The following EXD3 variants were observed in gnomAD, a reference collection of about 807,000 sequenced individuals.
EXD3 encodes exonuclease mut-7 homolog.
Under a neutral mutation model 98.0 loss-of-function variants are expected in EXD3, and 92 were observed. The observed-to-expected ratio is 0.94, with a 90% CI of 0.79 to 1.12. The LOEUF is 1.12. Among genes scored for constraint, EXD3 ranks in the 50% most tolerant of loss-of-function variants. The pLI, the probability that EXD3 is intolerant of heterozygous loss-of-function variation, is 0.00. For synonymous variants in EXD3, 569 were observed against 526.0 expected (o/e 1.08, Z -1.12); for missense variants, 1,222 against 1,191.6 (o/e 1.03, Z -0.38).
Position 137,372,478 on chromosome 9 carries a change from G to A in EXD3, c.462+427C>T, listed in dbSNP as rs566031242. ...GTGCCGGGGACTCAGTCAGTGCCCA[G>A]TGCCCAGGAGGCAAACTCACCCACA... On this transcript the variant is annotated intron_variant, in intron 5 of 21. Transcript: ENST00000340951. Among the ~76,000 whole-genome samples, 572 of 152,352 alleles carry A rather than the reference G, an allele frequency of 3.8e-3. 4 individuals carry two copies. Among genetic ancestry groups the A allele is most frequent in the Non-Finnish European group, 5.7e-3 (390 of 68,022 alleles).
chr9:137,355,471 A>T (rs1182517045), intron 8 of EXD3, among the ~76,000 whole-genome samples: 13 of 110,374 alleles, frequency 1.2e-4, no homozygotes, highest in East Asian at 1.0e-3. Context: ...GAAAGGAGGA[A>T]GGAGGAAGGA....
chr9:137,310,555 C>T (rs1272302080), intron 19 of EXD3, among the ~76,000 whole-genome samples: 1 of 152,210 alleles, frequency 6.6e-6, no homozygotes, highest in Non-Finnish European at 1.5e-5. Flanking sequence ...TATGACCAAC[C>T]TGCCAGGCTT....
rs1834031783 is a variant in EXD3 at position 137,348,130 on chromosome 9, A to T, written c.1939T>A (p.Cys647Ser). ...MLQGLARSLR[C>S]LGVDARMLGN... is the part of the protein sequence containing the mutation. ...AGCATGCGTGCATCCACACCGAGAC[A>T]GCGGAGGCTCCGTGCCAGCCCCTGC... Residue 647 changes from cysteine to serine, a missense_variant, in exon 17 of 22, where the codon TGT (cysteine) becomes AGT (serine). Coordinates refer to ENST00000340951, the MANE Select transcript of EXD3 (RefSeq NM_017820.5). 1.2e-6 allele frequency: 2 copies of T among 1,612,096 alleles called. No individual in the cohort carries two copies. The highest frequency in any genetic ancestry group is 8.5e-7 in the Non-Finnish European group (1 of 1,179,666).
intron 4 of EXD3, among the ~76,000 whole-genome samples, 170 bp from the exon 5 acceptor site, chr9:137,373,242 G>T (rs374483477): frequency 1.4e-4 from 21 of 152,336 alleles, no homozygotes; most frequent in African/African-American, 5.0e-4. Flanking sequence ...GTCTCAGCAC[G>T]TGACTGTCAG....
chr9:137,390,471 T>C (rs920522844), intron 2 of EXD3, among the ~76,000 whole-genome samples: 2 of 149,454 alleles, frequency 1.3e-5, no homozygotes, highest in Non-Finnish European at 3.0e-5. Flanking sequence ...ATTACACAAA[T>C]AAATAAAAAC....
chr9:137,377,762 C>G (rs1588384923), intron 3 of EXD3, among the ~76,000 whole-genome samples: 1 of 148,546 alleles, frequency 6.7e-6, no homozygotes, highest in Non-Finnish European at 1.5e-5. Flanking sequence ...CCTAAGAGAA[C>G]TTTGAAAACA....
At position 137,351,061 on chromosome 9, in the gene EXD3, C is replaced by G; in HGVS notation, c.1471G>C (p.Asp491His). Residue 491 changes from aspartate to histidine, a missense_variant, in exon 14 of 22, where the codon GAC becomes CAC. Transcript: ENST00000340951. Reference sequence around the variant, plus strand: ...ACCTGTCTGTGCACCAGCAGCAGGTCCATGCCGCCCAGAATCTGCTTCTCC... The same window carrying G: ...ACCTGTCTGTGCACCAGCAGCAGGTGCATGCCGCCCAGAATCTGCTTCTCC... ...HVEKQILGGMDLLLVHRQMRV... is the reference protein window; with the variant it reads ...HVEKQILGGMHLLLVHRQMRV... The G allele has an allele frequency of 6.4e-7, 1 of 1,569,990 alleles. No homozygotes were observed. The highest frequency in any genetic ancestry group is 8.6e-7 in the Non-Finnish European group (1 of 1,158,570).
intron 3 of EXD3, among the ~76,000 whole-genome samples, chr9:137,376,226 C>T (rs1222793965): frequency 6.6e-6 from 1 of 151,530 alleles, no homozygotes; most frequent in Non-Finnish European, 1.5e-5. Context: ...CGACTGTAGT[C>T]CCAGCTACTC....
intron 7 of EXD3, 73 bp downstream of exon 7, chr9:137,366,420 C>T: frequency 6.5e-7 from 1 of 1,527,244 alleles, no homozygotes; most frequent in Non-Finnish European, 8.8e-7. Context: ...TGCTGCCCCC[C>T]TACACTCCCT....
chr9:137,377,714 C>G (rs1835986617), intron 3 of EXD3, among the ~76,000 whole-genome samples: 1 of 151,272 alleles, frequency 6.6e-6, no homozygotes, highest in Admixed American at 6.6e-5. Context: ...TAGAACCAGG[C>G]TCTGTCAAAA....
At chr9:137,378,894 C>T (rs1236154211) in intron 3 of EXD3, among the ~76,000 whole-genome samples, 1,434 of 138,252 alleles carry the variant, frequency 0.01, 25 homozygotes, top group African/African-American at 0.037. Context: ...TGACGGTGAC[C>T]GTTGCCTGGG....
In EXD3 at chr9:137,381,422, A is replaced by C. The variant is rs1203227432; in HGVS notation, c.120+1891T>G. Reference sequence around the variant, plus strand: ...CAGAACAAGACTCCTTCTCAAAAAAAAAAAAAAAAAAAAAAAAGACAGGAA... The same window carrying C: ...CAGAACAAGACTCCTTCTCAAAAAACAAAAAAAAAAAAAAAAAGACAGGAA... On this transcript the variant is annotated intron_variant, in intron 3 of 21. Coordinates refer to ENST00000340951, the MANE Select transcript of EXD3 (RefSeq NM_017820.5). 3.4e-5 allele frequency among the ~76,000 whole-genome samples: 5 copies of C among 147,206 alleles called. No individual in the cohort carries two copies. The East Asian group carries it at 7.8e-4, about 23-fold the overall frequency.
chr9:137,359,190 C>T (rs113342677), intron 7 of EXD3, among the ~76,000 whole-genome samples: 1 of 82,520 alleles, frequency 1.2e-5, no homozygotes, highest in African/African-American at 3.3e-5. Flanking sequence ...AGGTTAGTCT[C>T]GATCTCCTGA....
chr9:137,404,409 G>A (rs1477246013), intron 1 of EXD3, among the ~76,000 whole-genome samples: 2 of 152,228 alleles, frequency 1.3e-5, no homozygotes, highest in Non-Finnish European at 2.9e-5. Context: ...ACTGAGCTCA[G>A]CCAGGATCAA....
At chr9:137,357,841 C>G (rs914004651) in intron 7 of EXD3, among the ~76,000 whole-genome samples, 2 of 151,880 alleles carry the variant, frequency 1.3e-5, no homozygotes, top group African/African-American at 4.8e-5. Flanking sequence ...AGAGAGCCAG[C>G]CCGAGTCTCA....
At chr9:137,369,653 G>A (rs1489194357) in intron 5 of EXD3, among the ~76,000 whole-genome samples, 3 of 152,184 alleles carry the variant, frequency 2.0e-5, no homozygotes, top group African/African-American at 4.8e-5. Flanking sequence ...CCCAGCCCTC[G>A]GCGGGCCCCA....
chr9:137,376,059 T>C (rs570515645), intron 3 of EXD3, among the ~76,000 whole-genome samples: 1 of 152,298 alleles, frequency 6.6e-6, no homozygotes, highest in Admixed American at 6.5e-5. Context: ...AATGCAATGA[T>C]AGTGGCCAGG....
At chr9:137,348,002 G>A (rs927870574) in intron 17 of EXD3, 69 bp downstream of exon 17, 48 of 1,496,700 alleles carry the variant, frequency 3.2e-5, no homozygotes, top group Non-Finnish European at 4.2e-5. Flanking sequence ...TTGATGCTAG[G>A]GGTGGGCACA....
intron 17 of EXD3, among the ~76,000 whole-genome samples, chr9:137,330,749 T>G (rs1193847979): frequency 6.6e-6 from 1 of 152,178 alleles, no homozygotes; most frequent in African/African-American, 2.4e-5. Flanking sequence ...GGCAACACTC[T>G]CTTTCAAGAA....
Sources: allele counts gnomAD v4.1 joint callset (sites outside exome capture counted in the v4.1 genomes callset), GRCh38; gene constraint gnomAD v4.1.1; transcripts MANE v1.5; gene names NCBI Gene and HGNC (gene_info 2026-07-23, HGNC 2026-07-21).